The following FUT4 variants were observed in gnomAD, a reference collection of about 807,000 sequenced individuals.
FUT4 encodes the protein alpha-(1,3)-fucosyltransferase 4.
FUT4 carries 1 observed loss-of-function variant against 3.8 expected under a neutral mutation model. The ratio of observed to expected loss-of-function variants is 0.26; its 90% CI spans 0.09 to 1.25. FUT4 has a LOEUF of 1.25. Ranked by LOEUF, FUT4 falls within the 50% of genes most tolerant of loss-of-function variation. The pLI is 0.47. For synonymous variants in FUT4, 417 were observed against 355.3 expected (o/e 1.17, Z -1.95); for missense variants, 880 against 768.2 (o/e 1.15, Z -1.72).
At position 94,544,663 on chromosome 11, in the gene FUT4, C is replaced by G. The variant is rs536791974; in HGVS notation, c.530C>G (p.Pro177Arg). 31 of 1,525,394 alleles carry G rather than the reference C, an allele frequency of 2.0e-5. No homozygotes were observed. In the Admixed American group the frequency reaches 3.2e-4, roughly 16 times the overall value. 94.5% of individuals were successfully genotyped at this position (1,525,394 alleles called of 1,614,324 possible). A position where few individuals can be genotyped will look rare whatever the true frequency, so the allele number is the denominator to read the frequency against. The stretch of plus-strand genomic sequence containing the variant: ...TACGCTTGCTGGGGGCAGCTGCCGC[C>G]GCTGCCCTGGGCGTCGCCAACCCCG... Reference protein sequence around the residue: ...ITYACWGQLPPLPWASPTPSR... With the variant: ...ITYACWGQLPRLPWASPTPSR... Residue 177 changes from proline to arginine, a missense_variant, in exon 1 of 1, where the codon CCG (proline) becomes CGG (arginine). Physicochemically the swap from Pro to Arg is moderately radical, Grantham distance 103. Transcript: ENST00000358752.
chr11:94,547,615 T>G lies in FUT4; in HGVS notation c.*1889T>G, dbSNP rs987027009. On this transcript the variant is annotated 3_prime_UTR_variant, in exon 1 of 1. Transcript: ENST00000358752. The stretch of plus-strand genomic sequence containing the variant: ...AAATGTCCTCATTAAAGTATTAAAG[T>G]GTGGGCAGAATTACAATTACAAAGT... 1 of 167,000 alleles carries G rather than the reference T, an allele frequency of 6.0e-6. No homozygotes were observed. The highest frequency in any genetic ancestry group is 2.4e-5 in the African/African-American group (1 of 41,444). The allele number at this position is 167,000 out of a possible 1,614,324, so 10.3% of individuals were successfully genotyped here.
Position 94,544,499 on chromosome 11 carries a change from T to C in FUT4, c.366T>C (p.Pro122=). ...ADAWRAEAAL[P]VRAMGAPWGS... ...CGTGGCGAGCGGAGGCAGCGCTGCC[T>C]GTTCGCGCCATGGGGGCACCGTGGG... The change falls in exon 1 of 1, where the codon CCT becomes CCC. Residue 122 remains proline (P), a synonymous_variant. Coordinates refer to ENST00000358752, the MANE Select transcript of FUT4 (RefSeq NM_002033.4). 2.1e-6 allele frequency: 3 copies of C among 1,462,102 alleles called. No homozygotes were observed. The highest frequency in any genetic ancestry group is 2.7e-6 in the Non-Finnish European group (3 of 1,113,308). The allele number at this position is 1,462,102 out of a possible 1,614,324, so 90.6% of individuals were successfully genotyped here. A position where few individuals can be genotyped will look rare whatever the true frequency, so the allele number is the denominator to read the frequency against.
At position 94,544,438 on chromosome 11, in the gene FUT4, A is replaced by T. The variant is rs781721978; in HGVS notation, c.305A>T (p.His102Leu). The change falls in exon 1 of 1, where the codon CAT (histidine) becomes CTT (leucine). Residue 102 changes from histidine (H) to leucine (L), a missense_variant. By Grantham distance (99) the His-to-Leu change is moderately conservative. Transcript: ENST00000358752. ...RQRRLEPQLQ[H>L]ESRCRSSTPA... is the part of the protein sequence containing the mutation. ...CGACGGCTGGAGCCGCAGCTACAGCATGAGAGCCGGTGCCGCTCCTCCACG... is the reference window on the plus strand; with the variant it reads ...CGACGGCTGGAGCCGCAGCTACAGCTTGAGAGCCGGTGCCGCTCCTCCACG... 3.3e-6 allele frequency: 5 copies of T among 1,517,752 alleles called. No individual in the cohort carries two copies. Among genetic ancestry groups the T allele is most frequent in the South Asian group, 2.4e-5 (2 of 82,874 alleles). The allele number at this position is 1,517,752 out of a possible 1,614,324, so 94.0% of individuals were successfully genotyped here. A position where few individuals can be genotyped will look rare whatever the true frequency, so the allele number is the denominator to read the frequency against.
Position 94,544,274 on chromosome 11 carries a change from G to A in FUT4, c.141G>A (p.Val47=), listed in dbSNP as rs750393839. Residue 47 remains valine, a synonymous_variant, in exon 1 of 1, where the codon GTG becomes GTA. Transcript: ENST00000358752. ...GCAGTGGAAGAAAGGGACGGGCGGTGCCCGGTTGGGCGTCCTGGCCAGCTC... is the reference window on the plus strand; with the variant it reads ...GCAGTGGAAGAAAGGGACGGGCGGTACCCGGTTGGGCGTCCTGGCCAGCTC... ...PGRSGRKGRA[V]PGWASWPAHL... 368 of 1,546,570 alleles carry A rather than the reference G, an allele frequency of 2.4e-4. No individual in the cohort carries two copies. The highest frequency in any genetic ancestry group is 3.1e-4 in the Admixed American group (16 of 52,106).
Position 94,545,861 on chromosome 11 carries a change from C to A in FUT4, c.*135C>A. On this transcript the variant is annotated 3_prime_UTR_variant, in exon 1 of 1. Coordinates refer to ENST00000358752, the MANE Select transcript of FUT4 (RefSeq NM_002033.4). ...CCATTTTTGCTCTATGGGAAAAAAA[C>A]GATTTACCAATTAATATTACTCAGC... The A allele has an allele frequency of 3.6e-6, 4 of 1,097,744 alleles. 1 individual carries two copies. Among genetic ancestry groups the A allele is most frequent in the Non-Finnish European group, 5.4e-6 (4 of 734,000 alleles). 68.0% of individuals were successfully genotyped at this position (1,097,744 alleles called of 1,614,324 possible). A position where few individuals can be genotyped will look rare whatever the true frequency, so the allele number is the denominator to read the frequency against.
chr11:94,545,473 A>G lies in FUT4; in HGVS notation c.1340A>G (p.Tyr447Cys). The change falls in exon 1 of 1, where the codon TAC becomes TGC. Residue 447 changes from tyrosine to cysteine, a missense_variant. Tyr to Cys is a radical substitution (Grantham distance 194, BLOSUM62 -2). This residue lies in a region of FUT4 where 424 missense variants were observed against 400.4 expected (regional missense o/e 1.06). Transcript: ENST00000358752. Reference sequence around the variant, plus strand: ...GTGCTGGGCCCAGACCGTGCCAACTACGAGCGCTTTGTGCCCCGCGGCGCC... The same window carrying G: ...GTGCTGGGCCCAGACCGTGCCAACTGCGAGCGCTTTGTGCCCCGCGGCGCC... ...PVVLGPDRAN[Y>C]ERFVPRGAFI... 1.9e-6 allele frequency: 3 copies of G among 1,613,178 alleles called. No individual in the cohort carries two copies. Among genetic ancestry groups the G allele is most frequent in the Non-Finnish European group, 2.5e-6 (3 of 1,179,906 alleles).
chr11:94,545,540 C>T lies in FUT4; in HGVS notation c.1407C>T (p.Ala469=), dbSNP rs371954490. 3 of 1,613,696 alleles carry T rather than the reference C, an allele frequency of 1.9e-6. No homozygotes were observed. The Admixed American group carries it at 5.0e-5, about 27-fold the overall frequency. ...ACTTCCCAAGTGCCTCCTCCCTGGC[C>T]TCGTACCTGCTTTTCCTCGACCGCA... is the stretch of plus-strand genomic sequence containing the variant. The part of the protein sequence containing the change: ...VDDFPSASSL[A]SYLLFLDRNP... Residue 469 remains alanine, a synonymous_variant, in exon 1 of 1, where the codon GCC becomes GCT. Coordinates refer to ENST00000358752, the MANE Select transcript of FUT4 (RefSeq NM_002033.4).
rs1470871277 is a variant in FUT4 at position 94,545,177 on chromosome 11, G to C, written c.1044G>C (p.Pro348=). 5.0e-6 allele frequency: 8 copies of C among 1,610,960 alleles called. No homozygotes were observed. The highest frequency in any genetic ancestry group is 5.9e-6 in the Non-Finnish European group (7 of 1,179,722). The change falls in exon 1 of 1, where the codon CCG becomes CCC. Residue 348 remains proline, a synonymous_variant. Coordinates refer to ENST00000358752, the MANE Select transcript of FUT4 (RefSeq NM_002033.4). Reference sequence around the variant, plus strand: ...GCGACCCGCCCTCAGGCCTGGCCCCGCCACTGTCCAGGAAACAGGGGCTGG... The same window carrying C: ...GCGACCCGCCCTCAGGCCTGGCCCCCCCACTGTCCAGGAAACAGGGGCTGG... The part of the protein sequence containing the change: ...HPGDPPSGLA[P]PLSRKQGLVA...
chr11:94,544,193 G>A lies in FUT4; in HGVS notation c.60G>A (p.Trp20Ter), dbSNP rs931040611. Reference protein sequence around the residue: ...KPSGAGWEKEWAEAPQEAPGA... With the variant: ...KPSGAGWEKE ...CGGGCGCGGGCTGGGAGAAGGAGTG[G>A]GCGGAGGCGCCGCAGGAGGCTCCCG... The change falls in exon 1 of 1, where the codon TGG (tryptophan) becomes TGA (stop). Residue 20 changes from tryptophan (W) to a stop codon, truncating the protein, a stop_gained. Coordinates refer to ENST00000358752, the MANE Select transcript of FUT4 (RefSeq NM_002033.4). LOFTEE classifies it low-confidence loss of function (END_TRUNC). 2 of 1,413,238 alleles carry A rather than the reference G, an allele frequency of 1.4e-6. No individual in the cohort carries two copies. Among genetic ancestry groups the A allele is most frequent in the Non-Finnish European group, 1.8e-6 (2 of 1,087,502 alleles). 87.5% of individuals were successfully genotyped at this position (1,413,238 alleles called of 1,614,324 possible).
Position 94,545,407 on chromosome 11 carries a change from A to C in FUT4, c.1274A>C (p.Lys425Thr), listed in dbSNP as rs780702810. ...CAGCACCTGGATTATATCACCGAGA[A>C]GCTCTGGCGCAACGCGTTGCTCGCT... ...NSQHLDYITE[K>T]LWRNALLAGA... The change falls in exon 1 of 1, where the codon AAG (lysine) becomes ACG (threonine). Residue 425 changes from lysine (K) to threonine (T), a missense_variant. Physicochemically the swap from Lys to Thr is moderately conservative, Grantham distance 78. Transcript: ENST00000358752. The C allele has an allele frequency of 6.2e-7, 1 of 1,612,936 alleles. No homozygotes were observed. The highest frequency in any genetic ancestry group is 2.2e-5 in the East Asian group (1 of 44,844).
At position 94,548,782 on chromosome 11, in the gene FUT4, G is replaced by A. The variant is rs1220809019; in HGVS notation, c.*3056G>A. On this transcript the variant is annotated 3_prime_UTR_variant, in exon 1 of 1. Transcript: ENST00000358752. ...TTCCCTCAAATTTATTACAAATTTA[G>A]TATTTTTAGTACTTGATGACTCTAA... is the stretch of plus-strand genomic sequence containing the variant. 2.4e-5 allele frequency: 4 copies of A among 167,032 alleles called. No individual in the cohort carries two copies. The highest frequency in any genetic ancestry group is 1.5e-5 in the Non-Finnish European group (1 of 68,116). 10.3% of individuals were successfully genotyped at this position (167,032 alleles called of 1,614,324 possible). A position where few individuals can be genotyped will look rare whatever the true frequency, so the allele number is the denominator to read the frequency against.
rs564822416 is a variant in FUT4, at chr11:94,549,534, G to A, written c.*3808G>A. ...TAACTGGCACCCTAAGGTTGAAAGT[G>A]CTTATCTGCTTTCCAATGTGGCTTC... On this transcript the variant is annotated 3_prime_UTR_variant, in exon 1 of 1. Transcript: ENST00000358752. 1 of 167,198 alleles carries A rather than the reference G, an allele frequency of 6.0e-6. No individual in the cohort carries two copies. The highest frequency in any genetic ancestry group is 6.5e-5 in the Admixed American group (1 of 15,302). 10.4% of individuals were successfully genotyped at this position (167,198 alleles called of 1,614,324 possible).
At position 94,544,352 on chromosome 11, in the gene FUT4, C is replaced by A. The variant is rs1483537025; in HGVS notation, c.219C>A (p.Gly73=). ...PARHLGGAGQ[G]PRPLHSGTAP... ...GGCACTTGGGAGGAGCAGGGCAGGGCCCGCGGCCTTTGCATTCTGGGACCG... is the reference window on the plus strand; with the variant it reads ...GGCACTTGGGAGGAGCAGGGCAGGGACCGCGGCCTTTGCATTCTGGGACCG... The change falls in exon 1 of 1, where the codon GGC becomes GGA. Residue 73 remains glycine (G), a synonymous_variant. Transcript: ENST00000358752. 13 of 1,550,062 alleles carry A rather than the reference C, an allele frequency of 8.4e-6. No individual in the cohort carries two copies. Among genetic ancestry groups the A allele is most frequent in the Non-Finnish European group, 1.1e-5 (13 of 1,155,438 alleles).
rs1321553419 is a variant in FUT4, at chr11:94,548,606, G to A, written c.*2880G>A. On this transcript the variant is annotated 3_prime_UTR_variant, in exon 1 of 1. Coordinates refer to ENST00000358752, the MANE Select transcript of FUT4 (RefSeq NM_002033.4). Reference sequence around the variant, plus strand: ...AATTTAACACTAATCTCATCAGAGAGCGAGATGAATGTGGCAATTGCTCAT... The same window carrying A: ...AATTTAACACTAATCTCATCAGAGAACGAGATGAATGTGGCAATTGCTCAT... 1 of 167,018 alleles carries A rather than the reference G, an allele frequency of 6.0e-6. No homozygotes were observed. The highest frequency in any genetic ancestry group is 2.4e-5 in the African/African-American group (1 of 41,424). The allele number at this position is 167,018 out of a possible 1,614,324, so 10.3% of individuals were successfully genotyped here.
chr11:94,544,574 G>C lies in FUT4; in HGVS notation c.441G>C (p.Arg147=), dbSNP rs1422923137. 7.6e-7 allele frequency: 1 copy of C among 1,308,506 alleles called. No individual in the cohort carries two copies. The highest frequency in any genetic ancestry group is 2.7e-5 in the South Asian group (1 of 36,576). The allele number at this position is 1,308,506 out of a possible 1,614,324, so 81.1% of individuals were successfully genotyped here. The change falls in exon 1 of 1, where the codon CGG becomes CGC. Residue 147 remains arginine (R), a synonymous_variant. Coordinates refer to ENST00000358752, the MANE Select transcript of FUT4 (RefSeq NM_002033.4). The part of the protein sequence containing the change: ...AGGRRGWRRG[R]GLPWTVCVLA... The stretch of plus-strand genomic sequence containing the variant: ...GGCGGCGCGGGTGGCGCCGAGGCCG[G>C]GGGCTGCCATGGACCGTCTGTGTGC...
chr11:94,545,395 A>T lies in FUT4; in HGVS notation c.1262A>T (p.Tyr421Phe). ...TTCGAGAACTCGCAGCACCTGGATT[A>T]TATCACCGAGAAGCTCTGGCGCAAC... is the stretch of plus-strand genomic sequence containing the variant. ...LAFENSQHLDYITEKLWRNAL... is the reference protein window; with the variant it reads ...LAFENSQHLDFITEKLWRNAL... Residue 421 changes from tyrosine (Y) to phenylalanine (F), a missense_variant, in exon 1 of 1, where the codon TAT becomes TTT. Physicochemically the swap from Tyr to Phe is conservative, Grantham distance 22. Around this residue, in one of 3 missense-constraint regions of FUT4, gnomAD observed 424 missense variants for 400.4 expected, o/e 1.06. Transcript: ENST00000358752. 1 of 1,612,834 alleles carries T rather than the reference A, an allele frequency of 6.2e-7. No homozygotes were observed. The highest frequency in any genetic ancestry group is 1.7e-5 in the Admixed American group (1 of 60,000).
rs1947904255 is a variant in FUT4 at position 94,549,677 on chromosome 11, A to G, written c.*3951A>G. Reference sequence around the variant, plus strand: ...AAATTATATATATAGTATATTATATATATTTTTAAAGCTTTATATGCCTCA... The same window carrying G: ...AAATTATATATATAGTATATTATATGTATTTTTAAAGCTTTATATGCCTCA... On this transcript the variant is annotated 3_prime_UTR_variant, in exon 1 of 1. Coordinates refer to ENST00000358752, the MANE Select transcript of FUT4 (RefSeq NM_002033.4). 1 of 166,280 alleles carries G rather than the reference A, an allele frequency of 6.0e-6. No homozygotes were observed. The highest frequency in any genetic ancestry group is 6.6e-5 in the Admixed American group (1 of 15,226). The allele number at this position is 166,280 out of a possible 1,614,324, so 10.3% of individuals were successfully genotyped here. A position where few individuals can be genotyped will look rare whatever the true frequency, so the allele number is the denominator to read the frequency against.
In FUT4 at chr11:94,545,690, G is replaced by T; in HGVS notation, c.1557G>T (p.Lys519Asn). ...TACAGAGGGCTGGGGACCGGCCCAA[G>T]AGCATACGGAACTTGGCCAGCTGGT... ...QAVQRAGDRP[K>N]SIRNLASWFE... Residue 519 changes from lysine (K) to asparagine (N), a missense_variant, in exon 1 of 1, where the codon AAG becomes AAT. Around this residue, in one of 3 missense-constraint regions of FUT4, gnomAD observed 424 missense variants for 400.4 expected, o/e 1.06. Coordinates refer to ENST00000358752, the MANE Select transcript of FUT4 (RefSeq NM_002033.4). 6.2e-7 allele frequency: 1 copy of T among 1,612,064 alleles called. No homozygotes were observed. Among genetic ancestry groups the T allele is most frequent in the South Asian group, 1.1e-5 (1 of 91,066 alleles).
In FUT4 at chr11:94,545,931, A is replaced by G. The variant is rs1345901934; in HGVS notation, c.*205A>G. ...TTCCATATTTTTTGCACAGCTAGCA[A>G]TTGGGCTCCCTTTGCTGCTGATGGG... On this transcript the variant is annotated 3_prime_UTR_variant, in exon 1 of 1. Transcript: ENST00000358752. The G allele has an allele frequency of 1.6e-5, 12 of 731,234 alleles. No homozygotes were observed. The highest frequency in any genetic ancestry group is 4.0e-5 in the Admixed American group (2 of 49,624). 45.3% of individuals were successfully genotyped at this position (731,234 alleles called of 1,614,324 possible). A position where few individuals can be genotyped will look rare whatever the true frequency, so the allele number is the denominator to read the frequency against.
Sources: gnomAD v4.1 joint callset for allele counts on GRCh38, gnomAD v4.1.1 for gene constraint, gnomAD v4.1.1 regional missense constraint, MANE v1.5 for transcripts, NCBI Gene and HGNC (gene_info 2026-07-23, HGNC 2026-07-21) for gene names.